The following RNPEPL1 variants were observed in gnomAD, a reference collection of about 807,000 sequenced individuals.
The protein encoded by RNPEPL1 is aminopeptidase RNPEPL1.
A neutral mutation model predicts 69.0 loss-of-function variants in RNPEPL1; 46 were observed. The ratio of observed to expected loss-of-function variants is 0.67; its 90% CI spans 0.53 to 0.85. RNPEPL1 has a LOEUF of 0.85. Among genes scored for constraint, RNPEPL1 ranks in the 40% least tolerant of loss-of-function variants. The pLI, the probability that RNPEPL1 is intolerant of heterozygous loss-of-function variation, is 0.00. For synonymous variants in RNPEPL1, 525 were observed against 454.1 expected (o/e 1.16, Z -1.98); for missense variants, 869 against 992.5 (o/e 0.88, Z 1.67).
rs974319723 is a variant in RNPEPL1, at chr2:240,580,199, C to T, written c.*2307C>T. The stretch of plus-strand genomic sequence containing the variant: ...AATTTTTTTTTAGCTCGTCGCTTCC[C>T]TGCAGTCCCTTGTCCAATGCAGCCT... On this transcript the variant is annotated 3_prime_UTR_variant, in exon 11 of 11. Transcript: ENST00000270357. 2 of 152,324 alleles carry T rather than the reference C, an allele frequency of 1.3e-5. No individual in the cohort carries two copies. The highest frequency in any genetic ancestry group is 4.8e-5 in the African/African-American group (2 of 41,446). 9.4% of individuals were successfully genotyped at this position (152,324 alleles called of 1,614,324 possible). A position where few individuals can be genotyped will look rare whatever the true frequency, so the allele number is the denominator to read the frequency against.
At position 240,578,189 on chromosome 2, in the gene RNPEPL1, G is replaced by A. The variant is rs768270630; in HGVS notation, c.*297G>A. Reference sequence around the variant, plus strand: ...CAGCTGTGCCTAGCCCCGGATGCCAGCACCTGCCAGGTGCCGCCCCGGGGC... The same window carrying A: ...CAGCTGTGCCTAGCCCCGGATGCCAACACCTGCCAGGTGCCGCCCCGGGGC... On this transcript the variant is annotated 3_prime_UTR_variant, in exon 11 of 11. Coordinates refer to ENST00000270357, the MANE Select transcript of RNPEPL1 (RefSeq NM_018226.6). The A allele has an allele frequency of 8.9e-4, 273 of 307,456 alleles. No homozygotes were observed. Among genetic ancestry groups the A allele is most frequent in the Non-Finnish European group, 7.9e-4 (132 of 166,532 alleles). 19.0% of individuals were successfully genotyped at this position (307,456 alleles called of 1,614,324 possible).
chr2:240,574,821 C>A, intron 6 of RNPEPL1, 193 bp downstream of exon 6: 1 of 660,008 alleles, frequency 1.5e-6, no homozygotes, highest in Non-Finnish European at 2.7e-6. Flanking sequence ...GCTTCCCTGG[C>A]TCTGAGCAGC....
chr2:240,573,363 C>T (rs907732772), intron 3 of RNPEPL1, 102 bp downstream of exon 3: 17 of 1,350,182 alleles, frequency 1.3e-5, no homozygotes, highest in East Asian at 2.6e-5. Context: ...TGAGGACCCC[C>T]ACTGGCCTCT....
In RNPEPL1 at chr2:240,576,575, G is replaced by A. The variant is rs371647969; in HGVS notation, c.1551G>A (p.Pro517=). 9.9e-6 allele frequency: 16 copies of A among 1,612,780 alleles called. No individual in the cohort carries two copies. The highest frequency in any genetic ancestry group is 6.6e-5 in the South Asian group (6 of 91,078). ...FERWLNATGP[P]LAEPDLSQGS... ...GCTGGCTCAATGCCACAGGCCCGCC[G>A]CTGGCTGAGCCGGACCTGTCTCAGG... The change falls in exon 9 of 11, where the codon CCG becomes CCA. Residue 517 remains proline (P), a synonymous_variant. Coordinates refer to ENST00000270357, the MANE Select transcript of RNPEPL1 (RefSeq NM_018226.6).
intron 1 of RNPEPL1, among the ~76,000 whole-genome samples, chr2:240,571,514 C>T (rs1169212637): frequency 6.6e-6 from 1 of 152,018 alleles, no homozygotes; most frequent in Non-Finnish European, 1.5e-5. Context: ...GGGTCCCCCT[C>T]CCAGACTCTG....
intron 1 of RNPEPL1, among the ~76,000 whole-genome samples, chr2:240,570,523 C>G (rs975540035): frequency 1.3e-5 from 2 of 152,232 alleles, no homozygotes; most frequent in Admixed American, 6.5e-5. Context: ...GTCCCCTTCT[C>G]TTCCTGCATG....
In RNPEPL1 at chr2:240,574,277, C is replaced by T. The variant is rs1404795524; in HGVS notation, c.1103C>T (p.Thr368Met). 6.2e-6 allele frequency: 10 copies of T among 1,611,392 alleles called. No homozygotes were observed. Among genetic ancestry groups the T allele is most frequent in the African/African-American group, 1.3e-5 (1 of 74,900 alleles). The change falls in exon 5 of 11, where the codon ACG becomes ATG. Residue 368 changes from threonine to methionine, a missense_variant. By Grantham distance (81) the Thr-to-Met change is moderately conservative. This residue lies in a region of RNPEPL1 where 610 missense variants were observed against 790.9 expected (regional missense o/e 0.77). Transcript: ENST00000270357. The part of the protein sequence containing the change: ...SWFGNAVTNA[T>M]WEEMWLSEGL... ...TTCGGCAACGCTGTCACCAACGCCA[C>T]GTGGGAAGAGATGTGGCTGAGCGAG...
intron 1 of RNPEPL1, among the ~76,000 whole-genome samples, chr2:240,572,029 A>T (rs922427726): frequency 6.6e-6 from 1 of 152,196 alleles, no homozygotes; most frequent in African/African-American, 2.4e-5. Flanking sequence ...GACCAAATCA[A>T]CTGCTGGGAA....
chr2:240,573,205 C>T lies in RNPEPL1; in HGVS notation c.765C>T (p.Pro255=), dbSNP rs776355552. 66 of 1,586,322 alleles carry T rather than the reference C, an allele frequency of 4.2e-5. No individual in the cohort carries two copies. The highest frequency in any genetic ancestry group is 1.7e-4 in the Middle Eastern group (1 of 6,038). Residue 255 remains proline, a synonymous_variant, in exon 3 of 11, where the codon CCC becomes CCT. Transcript: ENST00000270357. ...ACTTCCACATGGAGCACCCCGTGCC[C>T]GCCTACCTCGTGGCCCTGGTGGCCG... ...VFHFHMEHPV[P]AYLVALVAGD... is the part of the protein sequence containing the mutation.
At chr2:240,569,331 A>G (rs2093014616) in intron 1 of RNPEPL1, 1 of 507,620 alleles carries the variant, frequency 2.0e-6, no homozygotes, top group Non-Finnish European at 3.3e-6. Context: ...CACTCCGGGA[A>G]GCCTCCCGTT....
chr2:240,568,848 G>A lies in RNPEPL1; in HGVS notation c.262G>A (p.Ala88Thr), dbSNP rs2093012298. The A allele has an allele frequency of 1.7e-6, 2 of 1,185,812 alleles. No individual in the cohort carries two copies. Among genetic ancestry groups the A allele is most frequent in the African/African-American group, 1.7e-5 (1 of 60,370 alleles). The allele number at this position is 1,185,812 out of a possible 1,614,324, so 73.5% of individuals were successfully genotyped here. The change falls in exon 1 of 11, where the codon GCC (alanine) becomes ACC (threonine). Residue 88 changes from alanine to threonine, a missense_variant. Ala to Thr is a moderately conservative substitution (Grantham distance 58, BLOSUM62 0). Coordinates refer to ENST00000270357, the MANE Select transcript of RNPEPL1 (RefSeq NM_018226.6). The surrounding 1 kb of genome is among the most constrained non-coding windows in gnomAD (Gnocchi z 6.2). Reference sequence around the variant, plus strand: ...GCACCCGGCTCTGCGCCTGCACTCAGCCGCCTTCCGTCGCGCCCCCGCCGC... The same window carrying A: ...GCACCCGGCTCTGCGCCTGCACTCAACCGCCTTCCGTCGCGCCCCCGCCGC... ...DAHPALRLHS[A>T]AFRRAPAAAA...
chr2:240,573,858 C>A lies in RNPEPL1; in HGVS notation c.905C>A (p.Ala302Asp). The A allele has an allele frequency of 6.4e-7, 1 of 1,564,150 alleles. No homozygotes were observed. The highest frequency in any genetic ancestry group is 8.7e-7 in the Non-Finnish European group (1 of 1,154,786). Residue 302 changes from alanine (A) to aspartate (D), a missense_variant, in exon 4 of 11, where the codon GCT becomes GAT. Ala to Asp is a moderately radical substitution (Grantham distance 126, BLOSUM62 -2). This residue lies in a region of RNPEPL1 where 610 missense variants were observed against 790.9 expected (regional missense o/e 0.77). Coordinates refer to ENST00000270357, the MANE Select transcript of RNPEPL1 (RefSeq NM_018226.6). ...GCAGTGGAGCAGTGGCTGAGTGCAG[C>A]TGAGCGGCTGTATGGGCCCTACATG... ...SGAVEQWLSA[A>D]ERLYGPYMWG...
chr2:240,569,353 T>C, intron 1 of RNPEPL1: 1 of 470,302 alleles, frequency 2.1e-6, no homozygotes, highest in East Asian at 4.0e-5. Context: ...AGGTGTCTGG[T>C]CCCTGCCTGG....
chr2:240,571,229 A>C (rs2125448377), intron 1 of RNPEPL1, among the ~76,000 whole-genome samples: 1 of 152,168 alleles, frequency 6.6e-6, no homozygotes, highest in Non-Finnish European at 1.5e-5. Flanking sequence ...CACCAACAGG[A>C]AGTTTGGAAG....
At chr2:240,573,650 TG>T in intron 3 of RNPEPL1, 124 bp from the exon 4 acceptor site, 1 of 791,094 alleles carries the variant, frequency 1.3e-6, no homozygotes, top group Non-Finnish European at 2.0e-6. Context: ...GGCTGTAGGC[TG>T]GGGTGGTCAG....
At position 240,572,514 on chromosome 2, in the gene RNPEPL1, C is replaced by T. The variant is rs769878217; in HGVS notation, c.620C>T (p.Pro207Leu). The change falls in exon 2 of 11, where the codon CCG becomes CTG. Residue 207 changes from proline to leucine, a missense_variant. This residue lies in a region of RNPEPL1 where 610 missense variants were observed against 790.9 expected (regional missense o/e 0.77). Coordinates refer to ENST00000270357, the MANE Select transcript of RNPEPL1 (RefSeq NM_018226.6). ...GHSVCNRSFF[P>L]CFDTPAVKCT... ...TCCGTGTGCAACCGCTCCTTCTTCCCGTGCTTCGACACACCTGCCGTGAAG... is the reference window on the plus strand; with the variant it reads ...TCCGTGTGCAACCGCTCCTTCTTCCTGTGCTTCGACACACCTGCCGTGAAG... 1.4e-5 allele frequency: 22 copies of T among 1,536,150 alleles called. No individual in the cohort carries two copies. The highest frequency in any genetic ancestry group is 1.7e-4 in the Middle Eastern group (1 of 6,012).
chr2:240,570,146 G>A (rs1440456177), intron 1 of RNPEPL1, among the ~76,000 whole-genome samples: 1 of 152,246 alleles, frequency 6.6e-6, no homozygotes, highest in Non-Finnish European at 1.5e-5. Context: ...GGTGAGAACT[G>A]AGGGATGGGC....
At chr2:240,574,432 A>G in intron 5 of RNPEPL1, 83 bp from the exon 6 acceptor site, 9 of 1,540,894 alleles carry the variant, frequency 5.8e-6, no homozygotes, top group East Asian at 2.3e-5. Context: ...CCCCCCTGCC[A>G]TGCTGCAGGT....
In RNPEPL1 at chr2:240,572,489, T is replaced by C. The variant is rs1262925691; in HGVS notation, c.595T>C (p.Ser199Pro). Reference sequence around the variant, plus strand: ...GCCCTTCGTCTTCACCCAGGGCCACTCCGTGTGCAACCGCTCCTTCTTCCC... The same window carrying C: ...GCCCTTCGTCTTCACCCAGGGCCACCCCGTGTGCAACCGCTCCTTCTTCCC... ...AKPFVFTQGH[S>P]VCNRSFFPCF... is the part of the protein sequence containing the mutation. The change falls in exon 2 of 11, where the codon TCC becomes CCC. Residue 199 changes from serine (S) to proline (P), a missense_variant. Transcript: ENST00000270357. 6.5e-7 allele frequency: 1 copy of C among 1,536,142 alleles called. No individual in the cohort carries two copies. The highest frequency in any genetic ancestry group is 8.7e-7 in the Non-Finnish European group (1 of 1,146,886).
Sources: gnomAD v4.1 joint callset for allele counts (sites outside exome capture counted in the v4.1 genomes callset) on GRCh38, gnomAD v4.1.1 for gene constraint, gnomAD v4.1.1 regional missense constraint, Gnocchi (gnomAD v3.1) non-coding constraint, MANE v1.5 for transcripts, NCBI Gene and HGNC (gene_info 2026-07-23, HGNC 2026-07-21) for gene names.